TDRD3: variants seen among roughly 807,000 people sequenced by gnomAD.
The protein encoded by TDRD3 is tudor domain-containing protein 3.
TDRD3 carries 45 observed loss-of-function variants against 86.7 expected under a neutral mutation model. The ratio of observed to expected loss-of-function variants is 0.52; its 90% CI spans 0.41 to 0.67. The LOEUF (loss-of-function observed/expected upper bound fraction) is 0.67, where lower values mean the gene tolerates loss of function less well. Among genes scored for constraint, TDRD3 ranks in the 30% least tolerant of loss-of-function variants. The probability of loss-of-function intolerance (pLI) is 0.00; values close to 1 mark genes in which losing one functional copy is unlikely to be tolerated. For missense variants in TDRD3, 814 were observed against 889.0 expected, an observed-to-expected ratio of 0.92 and a Z score of 1.07; for synonymous variants, 298 against 301.7, an observed-to-expected ratio of 0.99 and a Z score of 0.13.
chr13:60,440,752 G>A (rs757530139), intron 2 of TDRD3, among the ~76,000 whole-genome samples: 5 of 152,030 alleles, frequency 3.3e-5, no homozygotes, highest in Non-Finnish European at 7.4e-5. Context: ...TTTCTATGTA[G>A]CTTTATAATA....
rs188366463 is a variant in TDRD3 at position 60,460,871 on chromosome 13, C to T, written c.353+331C>T. 70 of 158,416 alleles carry T rather than the reference C, an allele frequency of 4.4e-4. 1 individual carries two copies. The highest frequency in any genetic ancestry group is 6.3e-3 in the Middle Eastern group (2 of 320). 9.8% of individuals were successfully genotyped at this position (158,416 alleles called of 1,614,324 possible). A position where few individuals can be genotyped will look rare whatever the true frequency, so the allele number is the denominator to read the frequency against. ...TACAAGAATTAGCCAGGCATGATGG[C>T]GGGTGCCGGTAATCCCAGCTACTTG... On this transcript the variant is annotated intron_variant, in intron 4 of 13. Transcript: ENST00000377881.
Position 60,571,983 on chromosome 13 carries a change from A to G in TDRD3, c.*10-1633A>G, listed in dbSNP as rs139183678. 2.0e-3 allele frequency among the ~76,000 whole-genome samples: 311 copies of G among 152,302 alleles called. 2 individuals are homozygous for G. Among genetic ancestry groups the G allele is most frequent in the African/African-American group, 7.1e-3 (297 of 41,556 alleles). On this transcript the variant is annotated intron_variant, in intron 13 of 13. Transcript: ENST00000377881. Reference sequence around the variant, plus strand: ...CTTCTAGTTCCTGGACACTGTCATAACTGTTAAGACAGCTTGGAAATATGA... The same window carrying G: ...CTTCTAGTTCCTGGACACTGTCATAGCTGTTAAGACAGCTTGGAAATATGA...
At chr13:60,424,613 G>A (rs942501486) in intron 1 of TDRD3, among the ~76,000 whole-genome samples, 1 of 152,124 alleles carries the variant, frequency 6.6e-6, no homozygotes, top group Non-Finnish European at 1.5e-5. Flanking sequence ...GGAGGCAGAG[G>A]TTGCAGTGAG....
Position 60,519,465 on chromosome 13 carries a change from A to G in TDRD3, c.1141+8710A>G, listed in dbSNP as rs1957244886. On this transcript the variant is annotated intron_variant, in intron 10 of 13. Transcript: ENST00000377881. Reference sequence around the variant, plus strand: ...ACCTGTTTATCAACAAGAGAGCCATATCTGACTTTATCTAAGTAGCTAAAT... The same window carrying G: ...ACCTGTTTATCAACAAGAGAGCCATGTCTGACTTTATCTAAGTAGCTAAAT... Among the ~76,000 whole-genome samples the G allele has an allele frequency of 2.0e-5, 3 of 152,220 alleles. No individual in the cohort carries two copies. In the South Asian group the frequency reaches 6.2e-4, roughly 32 times the overall value.
intron 12 of TDRD3, among the ~76,000 whole-genome samples, chr13:60,539,603 G>A (rs1957767930): frequency 6.6e-6 from 1 of 151,404 alleles, no homozygotes; most frequent in African/African-American, 2.4e-5. Flanking sequence ...TTTCATGTTA[G>A]CGTACTTTAA....
intron 5 of TDRD3, among the ~76,000 whole-genome samples, chr13:60,479,910 C>G (rs547955197): frequency 6.6e-6 from 1 of 152,210 alleles, no homozygotes; most frequent in South Asian, 2.1e-4. Context: ...TGAGATGGGT[C>G]CCTTGGAGAC....
intron 1 of TDRD3, among the ~76,000 whole-genome samples, chr13:60,429,840 T>TTC (rs1016480846): frequency 2.8e-3 from 1 of 354 alleles, no homozygotes; most frequent in African/African-American, 0.01. Flanking sequence ...AGAAATTGTA[T>TTC]TCTCTTTCTC....
In TDRD3 at chr13:60,521,463, T is replaced by C. The variant is rs145263308; in HGVS notation, c.1142-6904T>C. 3.6e-3 allele frequency among the ~76,000 whole-genome samples: 522 copies of C among 146,598 alleles called. 2 individuals carry two copies. Among genetic ancestry groups the C allele is most frequent in the Admixed American group, 7.7e-3 (114 of 14,878 alleles). On this transcript the variant is annotated intron_variant, in intron 10 of 13. Transcript: ENST00000377881. ...TAAAAATATTTAAAGCAGCTTTTTCTTAAAAAAAAAAAATGTAATACAGAA... is the reference window on the plus strand; with the variant it reads ...TAAAAATATTTAAAGCAGCTTTTTCCTAAAAAAAAAAAATGTAATACAGAA...
At chr13:60,507,326 C>T (rs1956960506) in intron 8 of TDRD3, among the ~76,000 whole-genome samples, 1 of 152,284 alleles carries the variant, frequency 6.6e-6, no homozygotes, top group East Asian at 1.9e-4. Context: ...GACTTGAACT[C>T]AGCTCTGGAC....
chr13:60,466,568 A>G lies in TDRD3; in HGVS notation c.354-670A>G, dbSNP rs186633704. Among the ~76,000 whole-genome samples the G allele has an allele frequency of 5.9e-5, 9 of 152,154 alleles. No individual in the cohort carries two copies. In the East Asian group the frequency reaches 1.7e-3, roughly 29 times the overall value. On this transcript the variant is annotated intron_variant, in intron 4 of 13. Transcript: ENST00000377881. ...TTTAGGAGGCTGAGGCAGGTGGATC[A>G]CCTGAGGTCATGAGTTGGAGACCAC... is the stretch of plus-strand genomic sequence containing the variant.
intron 8 of TDRD3, among the ~76,000 whole-genome samples, chr13:60,498,181 C>T (rs888376514): frequency 1.3e-5 from 2 of 151,952 alleles, no homozygotes; most frequent in African/African-American, 4.8e-5. Flanking sequence ...CTGGGAGGGT[C>T]CAGAAGATAT....
rs577060863 is a variant in TDRD3, at chr13:60,544,255, G to A, written c.2118+9022G>A. On this transcript the variant is annotated intron_variant, in intron 12 of 13. Transcript: ENST00000377881. ...TTTGAGACCAGCTTGGGCAAACATAGCAAGACCCTTACTTTACAAAAATAA... is the reference window on the plus strand; with the variant it reads ...TTTGAGACCAGCTTGGGCAAACATAACAAGACCCTTACTTTACAAAAATAA... 1.5e-4 allele frequency among the ~76,000 whole-genome samples: 23 copies of A among 151,782 alleles called. 2 individuals are homozygous for A. The South Asian group carries it at 4.4e-3, about 29-fold the overall frequency.
At chr13:60,441,269 A>G (rs1269523798) in intron 2 of TDRD3, among the ~76,000 whole-genome samples, 2 of 152,068 alleles carry the variant, frequency 1.3e-5, no homozygotes, top group African/African-American at 4.8e-5. Flanking sequence ...AGATTTTATG[A>G]CAATTTGCTG....
intron 2 of TDRD3, among the ~76,000 whole-genome samples, chr13:60,443,536 A>G (rs575098145): frequency 9.9e-5 from 15 of 152,100 alleles, no homozygotes; most frequent in African/African-American, 3.1e-4. Flanking sequence ...TAGGGATTAT[A>G]CAACTTATAT....
chr13:60,561,445 C>T (rs919112346), intron 12 of TDRD3, among the ~76,000 whole-genome samples: 14 of 152,012 alleles, frequency 9.2e-5, no homozygotes, highest in African/African-American at 2.9e-4. Context: ...TTGAGGGCTA[C>T]AGAGGTTGAA....
chr13:60,407,613 A>G (rs1330163509), intron 1 of TDRD3, among the ~76,000 whole-genome samples: 1 of 152,236 alleles, frequency 6.6e-6, no homozygotes, highest in East Asian at 1.9e-4. Context: ...AGTTAGAAGA[A>G]AAGTTTGAAA....
At chr13:60,561,176 A>G (rs868456439) in intron 12 of TDRD3, among the ~76,000 whole-genome samples, 6 of 152,180 alleles carry the variant, frequency 3.9e-5, no homozygotes, top group Admixed American at 6.5e-5. Flanking sequence ...ATGAAACCCG[A>G]GGGTTTTTTT....
At chr13:60,414,364 T>A (rs1421627242) in intron 1 of TDRD3, among the ~76,000 whole-genome samples, 2 of 152,172 alleles carry the variant, frequency 1.3e-5, no homozygotes, top group East Asian at 3.8e-4. Flanking sequence ...ATACACCTAC[T>A]GTCTGTAGCT....
At chr13:60,489,041 A>C (rs149776597) in intron 7 of TDRD3, among the ~76,000 whole-genome samples, 15 of 152,242 alleles carry the variant, frequency 9.9e-5, no homozygotes, top group Non-Finnish European at 2.1e-4. Context: ...TTAGCTATGC[A>C]GAAGCTTTTT....
Sources: gnomAD v4.1 joint callset for allele counts (sites outside exome capture counted in the v4.1 genomes callset) on GRCh38, gnomAD v4.1.1 for gene constraint, MANE v1.5 for transcripts, NCBI Gene and HGNC (gene_info 2026-07-23, HGNC 2026-07-21) for gene names.